CAMTA1: variants seen among roughly 807,000 people sequenced by gnomAD.
CAMTA1 encodes calmodulin-binding transcription activator 1.
CAMTA1 carries 27 observed loss-of-function variants against 170.9 expected under a neutral mutation model. The ratio of observed to expected loss-of-function variants is 0.16; its 90% CI spans 0.12 to 0.22. CAMTA1 has a LOEUF of 0.22. CAMTA1 is among the 10% of genes least tolerant of loss of function. CAMTA1 has a pLI of 1.00. For synonymous variants in CAMTA1, 833 were observed against 891.5 expected, an observed-to-expected ratio of 0.93 and a Z score of 1.17; for missense variants, 1,619 against 2,217.2, an observed-to-expected ratio of 0.73 and a Z score of 5.42.
chr1:7,643,435 G>A (rs2095781321), intron 7 of CAMTA1, among the ~76,000 whole-genome samples: 1 of 152,222 alleles, frequency 6.6e-6, no homozygotes, highest in African/African-American at 2.4e-5. Flanking sequence ...GAGGCTGCTA[G>A]CCTGGGCCTT....
chr1:6,976,479 AC>A (rs985322918), intron 3 of CAMTA1, among the ~76,000 whole-genome samples: 10 of 152,112 alleles, frequency 6.6e-5, no homozygotes, highest in Non-Finnish European at 1.5e-5. Flanking sequence ...TGCAAGGGGG[AC>A]GTGGGAGACA....
chr1:7,082,497 G>A (rs1025894074), intron 3 of CAMTA1, among the ~76,000 whole-genome samples: 4 of 123,350 alleles, frequency 3.2e-5, no homozygotes, highest in Non-Finnish European at 7.1e-5. Context: ...AGATAGCACA[G>A]CTCTTTGTGT....
chr1:7,406,715 C>A (rs111852248), intron 5 of CAMTA1, among the ~76,000 whole-genome samples: 3,025 of 152,210 alleles, frequency 0.02, 93 homozygotes, highest in African/African-American at 0.07. Context: ...GTAAAGGGGA[C>A]TACTTCCTAA....
intron 5 of CAMTA1, among the ~76,000 whole-genome samples, chr1:7,434,877 CAAAAAA>C (rs779722434): frequency 1.2e-5 from 1 of 83,476 alleles, no homozygotes; most frequent in African/African-American, 4.2e-5. Context: ...CCTGTCTCTA[CAAAAAA>C]AAAAAAAAAA....
chr1:6,882,405 T>C (rs1032969336), intron 3 of CAMTA1, among the ~76,000 whole-genome samples: 57 of 152,190 alleles, frequency 3.7e-4, no homozygotes, highest in African/African-American at 1.3e-3. Flanking sequence ...CAAGAACTGA[T>C]GGTGCCTTGG....
At position 7,592,795 on chromosome 1, in the gene CAMTA1, C is replaced by G. The variant is rs747355476; in HGVS notation, c.511-47605C>G. Among the ~76,000 whole-genome samples, 1 of 152,170 alleles carries G rather than the reference C, an allele frequency of 6.6e-6. No individual in the cohort carries two copies. The highest frequency in any genetic ancestry group is 1.5e-5 in the Non-Finnish European group (1 of 68,034). On this transcript the variant is annotated intron_variant, in intron 6 of 22. Coordinates refer to ENST00000303635, the MANE Select transcript of CAMTA1 (RefSeq NM_015215.4). The surrounding 1 kb of genome is among the most constrained non-coding windows in gnomAD (Gnocchi z 4.6). ...GATTCTCCGAGAGCTCCTCCCCACC[C>G]TCACACACCTCAGCCTCTATAACAG... is the stretch of plus-strand genomic sequence containing the variant.
At chr1:7,505,386 A>G (rs575064171) in intron 6 of CAMTA1, among the ~76,000 whole-genome samples, 23 of 152,256 alleles carry the variant, frequency 1.5e-4, no homozygotes, top group African/African-American at 5.1e-4. Context: ...GTGGGCGTCT[A>G]GTGCAAAAGA....
At chr1:7,400,409 T>A (rs894562849) in intron 5 of CAMTA1, among the ~76,000 whole-genome samples, 1 of 152,228 alleles carries the variant, frequency 6.6e-6, no homozygotes, top group Non-Finnish European at 1.5e-5. Flanking sequence ...TCTTTACCCA[T>A]GTTCTCTTTT....
rs2096086597 is a variant in CAMTA1 at position 7,674,009 on chromosome 1, C to T, written c.2779+2972C>T. On this transcript the variant is annotated intron_variant, in intron 10 of 22. Coordinates refer to ENST00000303635, the MANE Select transcript of CAMTA1 (RefSeq NM_015215.4). This position sits in a 1 kb window ranked among gnomAD's most constrained non-coding sequence, Gnocchi z 4.1. ...GCTTGGGGACCTCATCTTTGGGTCT[C>T]CCCAGAGGAATCTGAGGCTGAGCTC... Among the ~76,000 whole-genome samples the T allele has an allele frequency of 6.6e-6, 1 of 152,054 alleles. No individual in the cohort carries two copies. The highest frequency in any genetic ancestry group is 1.5e-5 in the Non-Finnish European group (1 of 68,012).
intron 6 of CAMTA1, among the ~76,000 whole-genome samples, chr1:7,552,533 C>T (rs12742992): frequency 0.38 from 57,256 of 152,136 alleles, 11,369 homozygotes; most frequent in South Asian, 0.41. Flanking sequence ...GAGCACTGGC[C>T]GACAGGAGGG....
chr1:7,517,668 G>A (rs942143341), intron 6 of CAMTA1, among the ~76,000 whole-genome samples: 1 of 151,264 alleles, frequency 6.6e-6, no homozygotes, highest in Non-Finnish European at 1.5e-5. Flanking sequence ...AGGGGCTGAC[G>A]GCTGGGGCTT....
intron 4 of CAMTA1, among the ~76,000 whole-genome samples, chr1:7,232,887 T>C (rs1663100266): frequency 1.3e-5 from 2 of 151,978 alleles, no homozygotes; most frequent in Admixed American, 1.3e-4. Context: ...AATATTGCCT[T>C]GTCTCCTTGA....
At chr1:7,288,255 A>G (rs1672630382) in intron 5 of CAMTA1, among the ~76,000 whole-genome samples, 1 of 152,218 alleles carries the variant, frequency 6.6e-6, no homozygotes, top group South Asian at 2.1e-4. Flanking sequence ...GGCACAGTTC[A>G]TTCCCACACA....
rs1673534493 is a variant in CAMTA1 at position 7,293,909 on chromosome 1, A to G, written c.438+44283A>G. ...GTAGTAATGAGCATTTGGCTTTTGTAATCCTTTTTCTGCTTCGTGCTAGCA... is the reference window on the plus strand; with the variant it reads ...GTAGTAATGAGCATTTGGCTTTTGTGATCCTTTTTCTGCTTCGTGCTAGCA... On this transcript the variant is annotated intron_variant, in intron 5 of 22. Transcript: ENST00000303635. The surrounding 1 kb of genome is among the most constrained non-coding windows in gnomAD (Gnocchi z 4.1). Among the ~76,000 whole-genome samples, 1 of 152,168 alleles carries G rather than the reference A, an allele frequency of 6.6e-6. No homozygotes were observed. Among genetic ancestry groups the G allele is most frequent in the Non-Finnish European group, 1.5e-5 (1 of 68,024 alleles).
chr1:7,750,524 G>A (rs571634244), intron 19 of CAMTA1, among the ~76,000 whole-genome samples: 61 of 152,320 alleles, frequency 4.0e-4, no homozygotes, highest in Non-Finnish European at 6.2e-4. Flanking sequence ...CTGGGCCTTC[G>A]TCCCTCACTT....
chr1:7,705,871 G>A (rs1324934766), intron 11 of CAMTA1, among the ~76,000 whole-genome samples: 2 of 152,306 alleles, frequency 1.3e-5, no homozygotes, highest in East Asian at 3.9e-4. Flanking sequence ...GCAGACTGGC[G>A]ACCAGAGAGC....
chr1:7,459,785 G>A (rs2093040400), intron 5 of CAMTA1, among the ~76,000 whole-genome samples: 2 of 152,310 alleles, frequency 1.3e-5, no homozygotes, highest in African/African-American at 2.4e-5. Flanking sequence ...GGTCACAGCC[G>A]GAAGAAGGGG....
intron 4 of CAMTA1, among the ~76,000 whole-genome samples, chr1:7,129,216 G>A (rs1645109697): frequency 6.6e-6 from 1 of 152,158 alleles, no homozygotes; most frequent in African/African-American, 2.4e-5. Flanking sequence ...GACTTGCCAT[G>A]AATTTGGGTC....
intron 6 of CAMTA1, among the ~76,000 whole-genome samples, chr1:7,536,333 G>C (rs901117454): frequency 6.6e-5 from 10 of 152,230 alleles, no homozygotes; most frequent in African/African-American, 2.4e-4. Context: ...CACTTTCAGG[G>C]TGAGCGGCAG....
Sources: allele counts gnomAD v4.1 joint callset (sites outside exome capture counted in the v4.1 genomes callset), GRCh38; gene constraint gnomAD v4.1.1; non-coding constraint Gnocchi (gnomAD v3.1); transcripts MANE v1.5; gene names NCBI Gene and HGNC (gene_info 2026-07-23, HGNC 2026-07-21).